The following NAALADL2 variants were observed in gnomAD, a reference collection of about 807,000 sequenced individuals.
NAALADL2 encodes the protein N-acetylated alpha-linked acidic dipeptidase like 2, also known as inactive N-acetylated-alpha-linked acidic dipeptidase-like protein 2.
Under a neutral mutation model 87.2 loss-of-function variants are expected in NAALADL2, and 76 were observed. That is an observed-to-expected ratio of 0.87 (90% CI 0.72 to 1.05). The LOEUF is 1.05. Ranked by LOEUF, NAALADL2 falls within the 50% of genes least tolerant of loss-of-function variation. The pLI is 0.00. For missense variants in NAALADL2, 1,089 were observed against 945.8 expected, an observed-to-expected ratio of 1.15 and a Z score of -1.99; for synonymous variants, 354 against 331.0, an observed-to-expected ratio of 1.07 and a Z score of -0.75.
At chr3:175,374,881 TA>T (rs1231915029) in intron 5 of NAALADL2, among the ~76,000 whole-genome samples, 2 of 116,840 alleles carry the variant, frequency 1.7e-5, no homozygotes, top group African/African-American at 6.7e-5. Flanking sequence ...CGCAAATAAA[TA>T]AATAAATAAA....
At chr3:174,982,228 G>T (rs940177259) in intron 1 of NAALADL2, among the ~76,000 whole-genome samples, 3 of 152,242 alleles carry the variant, frequency 2.0e-5, no homozygotes, top group African/African-American at 4.8e-5. Context: ...GTCTAGATCA[G>T]CAATTTTCAG....
At chr3:174,854,692 AT>A (rs1725649316), upstream of NAALADL2, among the ~76,000 whole-genome samples, 1 of 152,132 alleles carries the variant, frequency 6.6e-6, no homozygotes, top group African/African-American at 2.4e-5. Flanking sequence ...GAATAAAATT[AT>A]TTTTAAAGAA....
At chr3:174,631,934 C>T (rs1274856186) in intron 2 of NAALADL2, 1 of 152,184 alleles carries the variant, frequency 6.6e-6, no homozygotes, top group African/African-American at 2.4e-5. Context: ...TGTGTCCCTT[C>T]CAGACTTACA....
At chr3:174,922,428 G>C (rs1055267455) in intron 1 of NAALADL2, among the ~76,000 whole-genome samples, 1 of 151,756 alleles carries the variant, frequency 6.6e-6, no homozygotes, top group Non-Finnish European at 1.5e-5. Context: ...CACTCAATCT[G>C]CTTCCTGTAA....
chr3:175,142,537 G>C (rs1457760743), intron 2 of NAALADL2, among the ~76,000 whole-genome samples: 5 of 151,992 alleles, frequency 3.3e-5, no homozygotes, highest in Non-Finnish European at 7.4e-5. Context: ...CTAAAGAGCA[G>C]GACTCAGATT....
At chr3:174,890,762 A>T (rs1730772372) in intron 1 of NAALADL2, among the ~76,000 whole-genome samples, 1 of 152,170 alleles carries the variant, frequency 6.6e-6, no homozygotes, top group African/African-American at 2.4e-5. Context: ...GACAGGGTGT[A>T]TGTGGTCAAA....
At chr3:175,764,585 T>A (rs1748440822) in intron 13 of NAALADL2, among the ~76,000 whole-genome samples, 1 of 151,050 alleles carries the variant, frequency 6.6e-6, no homozygotes, top group South Asian at 2.1e-4. Context: ...AAAATAGCAA[T>A]GTAAATGTCA....
intron 3 of NAALADL2, among the ~76,000 whole-genome samples, chr3:174,739,834 C>T (rs1733594504): frequency 2.0e-5 from 3 of 152,136 alleles, no homozygotes; most frequent in South Asian, 2.1e-4. Flanking sequence ...GACTGACTTA[C>T]ATCTTGTATT....
rs1013563023 is a variant in NAALADL2, at chr3:174,831,229, A to C, written c.-9+93483A>C. 3.6e-3 allele frequency among the ~76,000 whole-genome samples: 539 copies of C among 151,614 alleles called. 2 individuals carry two copies. The highest frequency in any genetic ancestry group is 0.021 in the Middle Eastern group (6 of 290). ...TTCCAGCTTTTGCCCATTCAGTATGATATTGGCTGTGGGTTTGTCATAGAT... is the reference window on the plus strand; with the variant it reads ...TTCCAGCTTTTGCCCATTCAGTATGCTATTGGCTGTGGGTTTGTCATAGAT... On this transcript the variant is annotated intron_variant, in intron 3 of 3. Transcript: ENST00000434257.
chr3:175,529,427 TA>T (rs151202713), intron 9 of NAALADL2, among the ~76,000 whole-genome samples: 1,625 of 152,272 alleles, frequency 0.011, 21 homozygotes, highest in African/African-American at 0.036. Flanking sequence ...AGTGGCTCAC[TA>T]GGGGTGATGG....
chr3:175,513,128 A>G (rs1731385471), intron 9 of NAALADL2, among the ~76,000 whole-genome samples: 1 of 152,190 alleles, frequency 6.6e-6, no homozygotes, highest in Admixed American at 6.6e-5. Flanking sequence ...ATAGCAGTGT[A>G]CACAGTCACA....
intron 5 of NAALADL2, among the ~76,000 whole-genome samples, chr3:175,392,894 G>T (rs554453537): frequency 1.6e-3 from 244 of 152,348 alleles, no homozygotes; most frequent in South Asian, 2.7e-3. Flanking sequence ...AATTTGCACA[G>T]TTTGTGGTGT....
At chr3:174,690,224 C>T in intron 2 of NAALADL2, among the ~76,000 whole-genome samples, 1 of 152,078 alleles carries the variant, frequency 6.6e-6, no homozygotes, top group East Asian at 1.9e-4. Flanking sequence ...CTATAAGCAA[C>T]AATTTTTTGT....
intron 2 of NAALADL2, among the ~76,000 whole-genome samples, chr3:174,703,730 G>C (rs931426431): frequency 6.6e-6 from 1 of 152,116 alleles, no homozygotes; most frequent in Non-Finnish European, 1.5e-5. Context: ...ACAGTGCTTA[G>C]CATAGAAACC....
chr3:174,921,853 T>C (rs1417891186), intron 1 of NAALADL2, among the ~76,000 whole-genome samples: 1 of 151,358 alleles, frequency 6.6e-6, no homozygotes, highest in Non-Finnish European at 1.5e-5. Context: ...AAAATCTTCT[T>C]AGTATTTTAA....
chr3:175,755,270 G>T lies in NAALADL2; in HGVS notation c.2041G>T (p.Glu681Ter). ...QLLAMALRLR[E>*]SAELFQSDEM... ...GTTAGCCATGGCGTTACGCCTGCGG[G>T]AGAGTGCTGAACTTTTTCAGTCTGA... The change falls in exon 13 of 14, where the codon GAG becomes TAG. Residue 681 changes from glutamate to a stop codon, truncating the protein, a stop_gained. Transcript: ENST00000454872. LOFTEE classifies it high-confidence loss of function. The T allele has an allele frequency of 6.2e-7, 1 of 1,613,610 alleles. No homozygotes were observed. Among genetic ancestry groups the T allele is most frequent in the South Asian group, 1.1e-5 (1 of 91,002 alleles).
chr3:174,463,849 C>T (rs189663584), intron 1 of NAALADL2, among the ~76,000 whole-genome samples: 11 of 152,200 alleles, frequency 7.2e-5, no homozygotes, highest in Admixed American at 5.2e-4. Context: ...CCGCCTGCCT[C>T]GGCCTCCCAA....
intron 1 of NAALADL2, among the ~76,000 whole-genome samples, chr3:174,995,920 A>G (rs950677422): frequency 6.6e-6 from 1 of 152,198 alleles, no homozygotes; most frequent in Non-Finnish European, 1.5e-5. Context: ...TGTATAAAAA[A>G]TATTGAACTG....
At chr3:175,439,734 TTTTTTC>T (rs1289515587) in intron 5 of NAALADL2, among the ~76,000 whole-genome samples, 3 of 147,222 alleles carry the variant, frequency 2.0e-5, no homozygotes, top group Non-Finnish European at 4.5e-5. Flanking sequence ...TTTTTTTCTT[TTTTTTC>T]TTTTTTTGAT....
Sources: gnomAD v4.1 joint callset for allele counts (sites outside exome capture counted in the v4.1 genomes callset) on GRCh38, gnomAD v4.1.1 for gene constraint, MANE v1.5 for transcripts, NCBI Gene and HGNC (gene_info 2026-07-23, HGNC 2026-07-21) for gene names.